The following SCMH1 variants were observed in gnomAD, a reference collection of about 807,000 sequenced individuals.
The protein encoded by SCMH1 is Scm polycomb group protein homolog 1.
SCMH1 carries 37 observed loss-of-function variants against 70.8 expected under a neutral mutation model. The ratio of observed to expected loss-of-function variants is 0.52; its 90% CI spans 0.40 to 0.69. SCMH1 has a LOEUF of 0.69. Ranked by LOEUF, SCMH1 falls within the 30% of genes least tolerant of loss-of-function variation. The probability of loss-of-function intolerance (pLI) is 0.00; values close to 1 mark genes in which losing one functional copy is unlikely to be tolerated. For synonymous variants in SCMH1, 292 were observed against 307.4 expected, an observed-to-expected ratio of 0.95 and a Z score of 0.52; for missense variants, 607 against 827.3, an observed-to-expected ratio of 0.73 and a Z score of 3.27.
intron 1 of SCMH1, among the ~76,000 whole-genome samples, chr1:41,203,232 A>G (rs1468332142): frequency 6.6e-6 from 1 of 152,168 alleles, no homozygotes; most frequent in Non-Finnish European, 1.5e-5. Flanking sequence ...CCGTATTTCA[A>G]TTTTGTAAAT....
intron 2 of SCMH1, among the ~76,000 whole-genome samples, chr1:41,166,648 T>C (rs544551730): frequency 7.7e-6 from 1 of 130,584 alleles, no homozygotes; most frequent in East Asian, 2.2e-4. Flanking sequence ...TTTCAGAAAG[T>C]TCACTGTTAG....
At position 41,160,873 on chromosome 1, in the gene SCMH1, A is replaced by G; in HGVS notation, c.106+2T>C. 6.5e-7 allele frequency: 1 copy of G among 1,550,194 alleles called. No individual in the cohort carries two copies. ...AACAGAAACACAAGAAAAATAGCTT[A>G]CCTAGATCCAGGATGTCAGCAGCTT... On this transcript the variant is annotated splice_donor_variant, in intron 4 of 14. Transcript: ENST00000337495. LOFTEE classifies it high-confidence loss of function.
intron 6 of SCMH1, among the ~76,000 whole-genome samples, chr1:41,129,186 ATT>A (rs980800643): frequency 6.6e-6 from 1 of 151,678 alleles, no homozygotes; most frequent in Non-Finnish European, 1.5e-5. Context: ...ATGCCTGGTA[ATT>A]TTTTTTGTGG....
chr1:41,212,735 G>A (rs1657289687), intron 1 of SCMH1, among the ~76,000 whole-genome samples: 1 of 152,198 alleles, frequency 6.6e-6, no homozygotes, highest in South Asian at 2.1e-4. Flanking sequence ...AGACCATGCT[G>A]GCAACCCACT....
At chr1:41,097,748 T>C (rs767824363) in intron 8 of SCMH1, among the ~76,000 whole-genome samples, 6 of 152,242 alleles carry the variant, frequency 3.9e-5, no homozygotes, top group Non-Finnish European at 8.8e-5. Flanking sequence ...TCCCTCTAAC[T>C]TATTCTAACC....
intron 2 of SCMH1, among the ~76,000 whole-genome samples, chr1:41,175,040 G>A (rs1647022481): frequency 6.6e-6 from 1 of 152,214 alleles, no homozygotes; most frequent in African/African-American, 2.4e-5. Flanking sequence ...ACGAGTACTT[G>A]TGATGGTTAA....
At chr1:41,101,876 G>T (rs898797820) in intron 8 of SCMH1, among the ~76,000 whole-genome samples, 3 of 152,084 alleles carry the variant, frequency 2.0e-5, no homozygotes, top group African/African-American at 7.2e-5. Flanking sequence ...GTTGAACCTA[G>T]ATCTTTTGGT....
At chr1:41,108,653 C>T (rs1668577072) in intron 8 of SCMH1, among the ~76,000 whole-genome samples, 1 of 152,086 alleles carries the variant, frequency 6.6e-6, no homozygotes, top group Admixed American at 6.6e-5. Context: ...AGGGATACTA[C>T]TTGGCTTAGA....
At chr1:41,089,084 C>T (rs1662573932) in intron 8 of SCMH1, among the ~76,000 whole-genome samples, 1 of 152,194 alleles carries the variant, frequency 6.6e-6, no homozygotes, top group Non-Finnish European at 1.5e-5. Context: ...CTGGGCAGTG[C>T]TGATGCTGCT....
At chr1:41,140,295 CT>C (rs61401237) in intron 6 of SCMH1, among the ~76,000 whole-genome samples, 105,444 of 145,674 alleles carry the variant, frequency 0.72, 38,226 homozygotes, top group East Asian at 0.85. Context: ...ACCCCAATAA[CT>C]TTTTTTTTTT....
chr1:41,217,980 C>A lies in SCMH1; in HGVS notation c.-118+24079G>T, dbSNP rs1658463595. On this transcript the variant is annotated intron_variant, in intron 1 of 14. Coordinates refer to ENST00000337495, the Ensembl canonical transcript of SCMH1. Reference sequence around the variant, plus strand: ...CTATCTTACCATTGTATCTTGGAAGCAAATAGCAACTTGTTTTCTAGGCTT... The same window carrying A: ...CTATCTTACCATTGTATCTTGGAAGAAAATAGCAACTTGTTTTCTAGGCTT... 2.6e-5 allele frequency among the ~76,000 whole-genome samples: 4 copies of A among 152,120 alleles called. No homozygotes were observed. The South Asian group carries it at 8.3e-4, about 32-fold the overall frequency.
intron 5 of SCMH1, among the ~76,000 whole-genome samples, chr1:41,150,936 C>CAAAAAAAAAAAAAAAAAA (rs71062579): frequency 1.3e-5 from 1 of 76,524 alleles, no homozygotes; most frequent in Admixed American, 1.6e-4. Context: ...GACACCATCT[C>CAAAAAAAAAAAAAAAAAA]AAAAAAAAAA....
intron 2 of SCMH1, among the ~76,000 whole-genome samples, chr1:41,166,683 G>T (rs956508165): frequency 2.6e-5 from 4 of 151,916 alleles, no homozygotes; most frequent in African/African-American, 9.7e-5. Flanking sequence ...ACTGACTTTT[G>T]TAAGTTGATT....
At chr1:41,033,140 T>C (rs1326538036) in intron 13 of SCMH1, among the ~76,000 whole-genome samples, 1 of 151,792 alleles carries the variant, frequency 6.6e-6, no homozygotes, top group East Asian at 1.9e-4. Flanking sequence ...AAAAATTAGC[T>C]AGGTGTGGTG....
intron 8 of SCMH1, among the ~76,000 whole-genome samples, chr1:41,101,783 C>CAT (rs139158263): frequency 0.078 from 11,863 of 151,724 alleles, 589 homozygotes; most frequent in South Asian, 0.13. Flanking sequence ...AGTCAACTAT[C>CAT]ATACTTGGAT....
At chr1:41,191,297 T>C (rs910968435) in intron 1 of SCMH1, among the ~76,000 whole-genome samples, 1 of 152,280 alleles carries the variant, frequency 6.6e-6, no homozygotes, top group Non-Finnish European at 1.5e-5. Flanking sequence ...GAACAATGTG[T>C]GTCTGCTTTA....
intron 10 of SCMH1, among the ~76,000 whole-genome samples, chr1:41,054,568 C>T (rs1238493787): frequency 1.3e-5 from 2 of 152,322 alleles, no homozygotes; most frequent in East Asian, 3.9e-4. Flanking sequence ...TGTGCAGACT[C>T]TCAGGCCTAA....
intron 1 of SCMH1, among the ~76,000 whole-genome samples, chr1:41,240,307 T>C (rs1460875155): frequency 2.0e-5 from 3 of 152,258 alleles, no homozygotes; most frequent in Non-Finnish European, 4.4e-5. Flanking sequence ...TGTAAGAGCC[T>C]GGCCTTTTAT....
Position 41,154,272 on chromosome 1 carries a change from C to T in SCMH1, c.107-2588G>A, listed in dbSNP as rs78898676. 6.1e-3 allele frequency among the ~76,000 whole-genome samples: 933 copies of T among 152,214 alleles called. 6 individuals are homozygous for T. The highest frequency in any genetic ancestry group is 0.021 in the African/African-American group (870 of 41,518). ...TGAGAATATGTATTTTCCAAGGCTC[C>T]CTAGGTAATTTGGATTAACATCTGT... On this transcript the variant is annotated intron_variant, in intron 4 of 14. Transcript: ENST00000337495.
Sources: allele counts gnomAD v4.1 joint callset (sites outside exome capture counted in the v4.1 genomes callset), GRCh38; gene constraint gnomAD v4.1.1; transcripts MANE v1.5; gene names NCBI Gene and HGNC (gene_info 2026-07-23, HGNC 2026-07-21).